The following PDK1 variants were observed in gnomAD, a reference collection of about 807,000 sequenced individuals.
PDK1 encodes the protein [Pyruvate dehydrogenase (acetyl-transferring)] kinase isozyme 1, mitochondrial.
In PDK1, 39 loss-of-function variants were observed where a neutral mutation model predicts 54.2. The observed-to-expected ratio is 0.72, with a 90% CI of 0.56 to 0.94. PDK1 has a LOEUF of 0.94. PDK1 is among the 40% of genes least tolerant of loss of function. The pLI, the probability that PDK1 is intolerant of heterozygous loss-of-function variation, is 0.00. For synonymous variants in PDK1, 221 were observed against 207.1 expected (o/e 1.07, Z -0.58); for missense variants, 552 against 566.0 (o/e 0.98, Z 0.25).
chr2:172,676,636 G>A, the PDK1 span, among the ~76,000 whole-genome samples: 4 of 152,192 alleles, frequency 2.6e-5, no homozygotes, highest in Admixed American at 6.5e-5. Flanking sequence ...TTCTTGAGAT[G>A]GACTTTACTC....
At chr2:172,639,771 A>G in the PDK1 span, among the ~76,000 whole-genome samples, 3 of 152,298 alleles carry the variant, frequency 2.0e-5, no homozygotes, top group South Asian at 6.2e-4. Context: ...GATTAGTGCC[A>G]TCTTTTGGGC....
the PDK1 span, among the ~76,000 whole-genome samples, chr2:172,710,110 C>T: frequency 6.6e-6 from 1 of 152,064 alleles, no homozygotes; most frequent in Non-Finnish European, 1.5e-5. Context: ...GAACTCATGA[C>T]GTAAGTGACG....
At chr2:172,713,374 C>T in the PDK1 span, among the ~76,000 whole-genome samples, 1 of 152,226 alleles carries the variant, frequency 6.6e-6, no homozygotes, top group Non-Finnish European at 1.5e-5. Context: ...GGGGGACTAG[C>T]TCCTTTCTGC....
rs1691206430 is a variant in PDK1 at position 172,604,101 on chromosome 2, C to T, written c.*8132C>T. 6.6e-6 allele frequency: 1 copy of T among 152,144 alleles called. No individual in the cohort carries two copies. The allele number at this position is 152,144 out of a possible 1,614,324, so 9.4% of individuals were successfully genotyped here. ...TATCTTTTTTGGCGGGGGGTGAGGACAGAGTCTTGCTCTGAGATTACCCAG... is the reference window on the plus strand; with the variant it reads ...TATCTTTTTTGGCGGGGGGTGAGGATAGAGTCTTGCTCTGAGATTACCCAG... On this transcript the variant is annotated 3_prime_UTR_variant, in exon 11 of 11. Transcript: ENST00000282077.
At chr2:172,557,784 T>C (rs1263930475) in intron 1 of PDK1, among the ~76,000 whole-genome samples, 2 of 151,832 alleles carry the variant, frequency 1.3e-5, no homozygotes, top group East Asian at 3.9e-4. Flanking sequence ...CTGCACTTAA[T>C]CTTTGCTTAT....
chr2:172,656,205 CGATTTACT>C, the PDK1 span, among the ~76,000 whole-genome samples: 1 of 152,112 alleles, frequency 6.6e-6, no homozygotes. Context: ...TACACTAAAA[CGATTTACT>C]GAGCCTCCAT....
downstream of PDK1, among the ~76,000 whole-genome samples, chr2:172,611,180 T>G (rs946570611): frequency 1.3e-5 from 2 of 152,202 alleles, no homozygotes; most frequent in African/African-American, 4.8e-5. Context: ...AAGTTGATAG[T>G]CAAATCCTGA....
chr2:172,664,167 C>T, the PDK1 span, among the ~76,000 whole-genome samples: 4 of 151,508 alleles, frequency 2.6e-5, no homozygotes, highest in South Asian at 2.1e-4. Context: ...CAAAATTAGC[C>T]GGGCATGGTG....
chr2:172,707,413 C>T, the PDK1 span, among the ~76,000 whole-genome samples: 51 of 152,268 alleles, frequency 3.3e-4, 1 homozygote, highest in African/African-American at 1.1e-3. Flanking sequence ...GAGTGGAAAT[C>T]GTCTGAAAGT....
rs966917413 is a variant in PDK1 at position 172,597,371 on chromosome 2, G to T, written c.*1402G>T. On this transcript the variant is annotated 3_prime_UTR_variant, in exon 11 of 11. Transcript: ENST00000282077. Reference sequence around the variant, plus strand: ...TCCTCCTGCCTGAGTCTCTGAAAGTGCTGGGATTACAGGCGTGAGCCACCA... The same window carrying T: ...TCCTCCTGCCTGAGTCTCTGAAAGTTCTGGGATTACAGGCGTGAGCCACCA... The T allele has an allele frequency of 2.0e-5, 3 of 152,168 alleles. No individual in the cohort carries two copies. The highest frequency in any genetic ancestry group is 7.2e-5 in the African/African-American group (3 of 41,430). 9.4% of individuals were successfully genotyped at this position (152,168 alleles called of 1,614,324 possible). A position where few individuals can be genotyped will look rare whatever the true frequency, so the allele number is the denominator to read the frequency against.
At chr2:172,690,766 G>A in the PDK1 span, among the ~76,000 whole-genome samples, 1 of 148,080 alleles carries the variant, frequency 6.8e-6, no homozygotes, top group African/African-American at 2.4e-5. Flanking sequence ...AAACCAAACA[G>A]TGCATGTTCT....
intron 10 of PDK1, among the ~76,000 whole-genome samples, chr2:172,594,512 C>T (rs1432443522): frequency 6.6e-6 from 1 of 152,124 alleles, no homozygotes; most frequent in Admixed American, 6.5e-5. Context: ...AGAAAGTTTA[C>T]AAATGTGTTG....
chr2:172,646,516 C>G, the PDK1 span, among the ~76,000 whole-genome samples: 1 of 144,192 alleles, frequency 6.9e-6, no homozygotes, highest in Non-Finnish European at 1.5e-5. Context: ...AAAAAAAAAG[C>G]GGTCAACTTG....
At chr2:172,586,551 CTT>C (rs34362917) in intron 9 of PDK1, among the ~76,000 whole-genome samples, 163 bp downstream of exon 9, 3 of 147,510 alleles carry the variant, frequency 2.0e-5, no homozygotes, top group African/African-American at 7.4e-5. Context: ...CTTCAGAATA[CTT>C]TTTTTTTTTT....
the PDK1 span, among the ~76,000 whole-genome samples, chr2:172,624,627 G>T: frequency 3.3e-5 from 5 of 152,176 alleles, no homozygotes; most frequent in Non-Finnish European, 7.3e-5. Flanking sequence ...AGATGCTGGG[G>T]TCCCATCCTT....
At position 172,599,152 on chromosome 2, in the gene PDK1, A is replaced by C. The variant is rs1365983507; in HGVS notation, c.*3183A>C. On this transcript the variant is annotated 3_prime_UTR_variant, in exon 11 of 11. Coordinates refer to ENST00000282077, the MANE Select transcript of PDK1 (RefSeq NM_002610.5). Reference sequence around the variant, plus strand: ...AATTTGAATAACTTTCCACAGTATAACTGTAAAAAAAAAAAAAAAAAGTCT... The same window carrying C: ...AATTTGAATAACTTTCCACAGTATACCTGTAAAAAAAAAAAAAAAAAGTCT... The C allele has an allele frequency of 1.4e-5, 2 of 141,288 alleles. No homozygotes were observed. The highest frequency in any genetic ancestry group is 3.0e-5 in the Non-Finnish European group (2 of 66,330). The allele number at this position is 141,288 out of a possible 1,614,324, so 8.8% of individuals were successfully genotyped here. A position where few individuals can be genotyped will look rare whatever the true frequency, so the allele number is the denominator to read the frequency against.
the PDK1 span, among the ~76,000 whole-genome samples, chr2:172,691,615 A>G: frequency 2.6e-5 from 4 of 152,174 alleles, no homozygotes; most frequent in Non-Finnish European, 4.4e-5. Context: ...TCGTTTTGCT[A>G]TCTTCATAGT....
Position 172,584,644 on chromosome 2 carries a change from GCT to G in PDK1, c.946-1633_946-1632del, listed in dbSNP as rs1690107522. 2.5e-5 allele frequency among the ~76,000 whole-genome samples: 3 copies of G among 118,508 alleles called. No homozygotes were observed. The Admixed American group carries it at 2.6e-4, about 10-fold the overall frequency. 77.7% of individuals were successfully genotyped at this position (118,508 alleles called of 152,430 possible). A position where few individuals can be genotyped will look rare whatever the true frequency, so the allele number is the denominator to read the frequency against. ...TGACATTGTTGTGTGAAAGGTACAT[GCT>G]TTTTTTTTTTTTTTTTTTTTTAAAT... On this transcript the variant is annotated intron_variant, in intron 8 of 10. Transcript: ENST00000282077.
At position 172,560,267 on chromosome 2, in the gene PDK1, C is replaced by G. The variant is rs568046160; in HGVS notation, c.338+1418C>G. 2.0e-5 allele frequency among the ~76,000 whole-genome samples: 3 copies of G among 152,262 alleles called. No homozygotes were observed. The South Asian group carries it at 6.2e-4, about 32-fold the overall frequency. ...CTTGACCTCCTGGGGTCAAGAGATT[C>G]TCCTGCTAAGGCAGCTGCCTCCCGA... On this transcript the variant is annotated intron_variant, in intron 2 of 10. Coordinates refer to ENST00000282077, the MANE Select transcript of PDK1 (RefSeq NM_002610.5).
Sources: allele counts gnomAD v4.1 joint callset (sites outside exome capture counted in the v4.1 genomes callset), GRCh38; gene constraint gnomAD v4.1.1; transcripts MANE v1.5; gene names NCBI Gene and HGNC (gene_info 2026-07-23, HGNC 2026-07-21).